Variants in NOP14 observed in about 807,000 individuals in gnomAD.
NOP14 encodes NOP14 nucleolar protein, also known as nucleolar protein 14.
A neutral mutation model predicts 101.6 loss-of-function variants in NOP14; 57 were observed. The ratio of observed to expected loss-of-function variants is 0.56; its 90% CI spans 0.45 to 0.70. NOP14 has a LOEUF of 0.70. Ranked by LOEUF, NOP14 falls within the 30% of genes least tolerant of loss-of-function variation. The pLI, the probability that NOP14 is intolerant of heterozygous loss-of-function variation, is 0.00. For synonymous variants in NOP14, 428 were observed against 424.0 expected, an observed-to-expected ratio of 1.01 and a Z score of -0.12; for missense variants, 1,134 against 1,075.5, an observed-to-expected ratio of 1.05 and a Z score of -0.76.
intron 1 of NOP14, among the ~76,000 whole-genome samples, chr4:2,959,318 C>T (rs141477404): frequency 0.027 from 4,118 of 152,254 alleles, 131 homozygotes; most frequent in African/African-American, 0.073. Context: ...TGGGGCCGGG[C>T]GCGGTGGCTC....
At chr4:2,944,858 A>G (rs776763305) in intron 12 of NOP14, among the ~76,000 whole-genome samples, 1 of 152,250 alleles carries the variant, frequency 6.6e-6, no homozygotes, top group Non-Finnish European at 1.5e-5. Context: ...ATCACACTGG[A>G]TAACTTCACC....
At chr4:2,962,563 C>A (rs1445864119) in intron 1 of NOP14, among the ~76,000 whole-genome samples, 1 of 152,094 alleles carries the variant, frequency 6.6e-6, no homozygotes, top group Non-Finnish European at 1.5e-5. Context: ...AATGCATGCC[C>A]AGCCCTTACC....
intron 8 of NOP14, among the ~76,000 whole-genome samples, 186 bp downstream of exon 8, chr4:2,949,748 A>G (rs1388370759): frequency 6.6e-6 from 1 of 152,174 alleles, no homozygotes; most frequent in Non-Finnish European, 1.5e-5. Flanking sequence ...CCACAGTCAC[A>G]AACTAAGATG....
intron 3 of NOP14, among the ~76,000 whole-genome samples, chr4:2,955,067 C>T (rs1481134968): frequency 2.4e-4 from 33 of 136,488 alleles, no homozygotes; most frequent in Non-Finnish European, 4.1e-4. Flanking sequence ...CTGCACGCCA[C>T]GGCGCTCCCT....
In NOP14 at chr4:2,938,258, C is replaced by G; in HGVS notation, c.*573G>C. On this transcript the variant is annotated 3_prime_UTR_variant, in exon 18 of 18. Transcript: ENST00000416614. The stretch of plus-strand genomic sequence containing the variant: ...AAAAAATTACTTTTTTGGCTGGGTG[C>G]TGTGGCTCACACCTATAATTGGGGG... 1 of 1,285,530 alleles carries G rather than the reference C, an allele frequency of 7.8e-7. No homozygotes were observed. Among genetic ancestry groups the G allele is most frequent in the Non-Finnish European group, 1.0e-6 (1 of 985,546 alleles). The allele number at this position is 1,285,530 out of a possible 1,614,324, so 79.6% of individuals were successfully genotyped here.
At chr4:2,941,844 G>T in intron 14 of NOP14, 115 bp from the exon 15 acceptor site, 1 of 1,254,078 alleles carries the variant, frequency 8.0e-7, no homozygotes. Context: ...CTCCAGTGTG[G>T]CCACCTTGGC....
Position 2,956,818 on chromosome 4 carries a change from G to GA in NOP14, c.331-8dup, listed in dbSNP as rs1313411331. The GA allele has an allele frequency of 7.1e-6, 11 of 1,557,348 alleles. No individual in the cohort carries two copies. The highest frequency in any genetic ancestry group is 9.5e-6 in the Non-Finnish European group (11 of 1,158,980). On this transcript the variant is annotated splice_polypyrimidine_tract_variant and splice_region_variant and intron_variant, in intron 2 of 17. Transcript: ENST00000416614. ...TTTTTTTCTCATGATGTCGCTGACA[G>GA]AAGAGAAAAAAAGTTTCCTAAAATT...
At chr4:2,941,868 GC>G in intron 14 of NOP14, 139 bp from the exon 15 acceptor site, 3 of 1,030,790 alleles carry the variant, frequency 2.9e-6, no homozygotes, top group Non-Finnish European at 2.8e-6. Flanking sequence ...CCAGGGTTGG[GC>G]CCATGCAACC....
In NOP14 at chr4:2,944,082, CTTTG is replaced by C; in HGVS notation, c.1878_1881del (p.Asn626LysfsTer46). On this transcript the variant is annotated frameshift_variant, in exon 13 of 18. Transcript: ENST00000416614. LOFTEE classifies it high-confidence loss of function. The stretch of plus-strand genomic sequence containing the variant: ...CCTCAAATCAACTCACCTTGGCTTG[CTTTG>C]TTTGGAGTTGCTATGTAAAGAATCC... 2 of 1,607,484 alleles carry C rather than the reference CTTTG, an allele frequency of 1.2e-6. No individual in the cohort carries two copies. The highest frequency in any genetic ancestry group is 1.7e-6 in the Non-Finnish European group (2 of 1,177,638).
At chr4:2,955,183 G>A (rs71608245) in intron 3 of NOP14, among the ~76,000 whole-genome samples, 1,808 of 54,258 alleles carry the variant, frequency 0.033, 75 homozygotes, top group African/African-American at 0.054. Context: ...ACGCCACGGC[G>A]CCCCCTCTAG....
chr4:2,941,383 CATCTGCTTT>C (rs1387970275), intron 15 of NOP14, 190 bp downstream of exon 15: 15 of 577,116 alleles, frequency 2.6e-5, no homozygotes, highest in Non-Finnish European at 3.1e-6. Context: ...TGAGATGCAG[CATCTGCTTT>C]ACTCCAGCCC....
At position 2,954,416 on chromosome 4, in the gene NOP14, T is replaced by G. The variant is rs766772910; in HGVS notation, c.612+8A>C. The G allele has an allele frequency of 6.2e-7, 1 of 1,613,910 alleles. No individual in the cohort carries two copies. On this transcript the variant is annotated splice_region_variant and intron_variant, in intron 4 of 17. Coordinates refer to ENST00000416614, the MANE Select transcript of NOP14 (RefSeq NM_001291978.2). ...GGAGAAGATGATCAAGAACACTCAC[T>G]AACCCACCTTCTCTTGTTTTGACTT...
rs188147750 is a variant in NOP14 at position 2,938,389 on chromosome 4, A to G, written c.*442T>C. 1,769 of 392,564 alleles carry G rather than the reference A, an allele frequency of 4.5e-3. 12 individuals are homozygous for G. The highest frequency in any genetic ancestry group is 0.029 in the African/African-American group (1,360 of 46,956). The allele number at this position is 392,564 out of a possible 1,614,324, so 24.3% of individuals were successfully genotyped here. ...TACAAAATTAGCTGGGCGTGGTGGC[A>G]CATGTCTGTAATCCCAGCTACTCGG... On this transcript the variant is annotated 3_prime_UTR_variant, in exon 18 of 18. Transcript: ENST00000416614.
chr4:2,938,037 A>G lies in NOP14; in HGVS notation c.*794T>C. On this transcript the variant is annotated 3_prime_UTR_variant, in exon 18 of 18. Transcript: ENST00000416614. Reference sequence around the variant, plus strand: ...AGAAATTACACTGGCCAGAATCCCCAGTCCCCATGAGGCTTGTCCAGACGC... The same window carrying G: ...AGAAATTACACTGGCCAGAATCCCCGGTCCCCATGAGGCTTGTCCAGACGC... 3.0e-6 allele frequency: 1 copy of G among 330,372 alleles called. No individual in the cohort carries two copies. The highest frequency in any genetic ancestry group is 5.3e-6 in the Non-Finnish European group (1 of 187,194). The allele number at this position is 330,372 out of a possible 1,614,324, so 20.5% of individuals were successfully genotyped here.
intron 3 of NOP14, among the ~76,000 whole-genome samples, chr4:2,955,146 C>A (rs1408825516): frequency 9.4e-6 from 1 of 106,642 alleles, no homozygotes; most frequent in African/African-American, 3.7e-5. Flanking sequence ...TCACCTGCAC[C>A]CCACGGCGCC....
chr4:2,959,598 C>CA (rs375359403), intron 1 of NOP14, among the ~76,000 whole-genome samples: 23,743 of 149,860 alleles, frequency 0.16, 2,707 homozygotes, highest in African/African-American at 0.33. Flanking sequence ...GTCTCAAAAA[C>CA]AAAAAAAAAC....
chr4:2,939,177 G>T lies in NOP14; in HGVS notation c.2474+11C>A. On this transcript the variant is annotated intron_variant, in intron 17 of 17. Coordinates refer to ENST00000416614, the MANE Select transcript of NOP14 (RefSeq NM_001291978.2). The stretch of plus-strand genomic sequence containing the variant: ...CACCACAATCGTGTCGCACACACAC[G>T]TCCCCCTCACCGTTCCATGATTTCT... 16 of 1,613,718 alleles carry T rather than the reference G, an allele frequency of 9.9e-6. No individual in the cohort carries two copies. Among genetic ancestry groups the T allele is most frequent in the Non-Finnish European group, 1.4e-5 (16 of 1,179,964 alleles).
In NOP14 at chr4:2,944,242, T is replaced by C. The variant is rs1261303854; in HGVS notation, c.1738-16A>G. 1.2e-6 allele frequency: 2 copies of C among 1,607,468 alleles called. No homozygotes were observed. Among genetic ancestry groups the C allele is most frequent in the African/African-American group, 1.3e-5 (1 of 74,578 alleles). On this transcript the variant is annotated splice_polypyrimidine_tract_variant and intron_variant, in intron 12 of 17. Coordinates refer to ENST00000416614, the MANE Select transcript of NOP14 (RefSeq NM_001291978.2). Reference sequence around the variant, plus strand: ...GGATGGGGCACTGGAAAGGAACATATGGGGGGTTACTGTCCTGGGACGATG... The same window carrying C: ...GGATGGGGCACTGGAAAGGAACATACGGGGGGTTACTGTCCTGGGACGATG...
At chr4:2,945,250 C>T (rs1400066476) in intron 11 of NOP14, 21 bp from the exon 12 acceptor site, 21 of 1,534,254 alleles carry the variant, frequency 1.4e-5, no homozygotes, top group East Asian at 4.8e-5. Flanking sequence ...AGTGTTACCA[C>T]AGGTTAAAGA....
Sources: gnomAD v4.1 joint callset for allele counts (sites outside exome capture counted in the v4.1 genomes callset) on GRCh38, gnomAD v4.1.1 for gene constraint, MANE v1.5 for transcripts, NCBI Gene and HGNC (gene_info 2026-07-23, HGNC 2026-07-21) for gene names.